Variants in AK8 observed in about 807,000 individuals in gnomAD.
AK8 encodes adenylate kinase 8.
Under a neutral mutation model 54.6 loss-of-function variants are expected in AK8, and 44 were observed. That is an observed-to-expected ratio of 0.81 (90% CI 0.63 to 1.04). AK8 has a LOEUF of 1.04. AK8 is among the 50% of genes least tolerant of loss of function. The pLI is 0.00. For synonymous variants in AK8, 239 were observed against 245.6 expected, an observed-to-expected ratio of 0.97 and a Z score of 0.25; for missense variants, 555 against 613.6, an observed-to-expected ratio of 0.90 and a Z score of 1.01.
At chr9:132,761,815 T>G (rs757121325) in intron 11 of AK8, among the ~76,000 whole-genome samples, 5 of 151,302 alleles carry the variant, frequency 3.3e-5, no homozygotes, top group Non-Finnish European at 7.4e-5. Flanking sequence ...TCCCTCCTTC[T>G]CTCTCTCTCC....
intron 11 of AK8, among the ~76,000 whole-genome samples, chr9:132,773,157 C>T (rs995694505): frequency 6.6e-6 from 1 of 152,222 alleles, no homozygotes; most frequent in Non-Finnish European, 1.5e-5. Flanking sequence ...GGCCAATGGC[C>T]TCCTTGATGT....
rs539727967 is a variant in AK8 at position 132,867,022 on chromosome 9, G to A, written c.170-69C>T. The A allele has an allele frequency of 2.7e-5, 39 of 1,443,744 alleles. No homozygotes were observed. The South Asian group carries it at 2.8e-4, about 10-fold the overall frequency. The allele number at this position is 1,443,744 out of a possible 1,614,324, so 89.4% of individuals were successfully genotyped here. ...GCAGCCTCCCACACCTGCGGTACTC[G>A]GGGTGTACTTATTTCTCCCTCCCTA... On this transcript the variant is annotated intron_variant, in intron 2 of 12. Coordinates refer to ENST00000298545, the MANE Select transcript of AK8 (RefSeq NM_152572.3).
chr9:132,878,434 C>A (rs1359877763), upstream of AK8: 2 of 1,230,814 alleles, frequency 1.6e-6, no homozygotes, highest in African/African-American at 1.6e-5. The surrounding 1 kb of genome is among the most constrained non-coding windows in gnomAD (Gnocchi z 4.7). Context: ...CTCTGCGGCT[C>A]GGGCAAGTTC....
intron 9 of AK8, among the ~76,000 whole-genome samples, chr9:132,821,431 A>C (rs1371451926): frequency 6.6e-6 from 1 of 152,210 alleles, no homozygotes; most frequent in Non-Finnish European, 1.5e-5. Context: ...CAAAAGAAGA[A>C]GGAATTATTG....
chr9:132,868,425 T>C (rs563332443), intron 2 of AK8, among the ~76,000 whole-genome samples: 30 of 152,316 alleles, frequency 2.0e-4, no homozygotes, highest in African/African-American at 7.0e-4. Flanking sequence ...ATTCTCCTTA[T>C]GGCTGTTCCC....
intron 9 of AK8, among the ~76,000 whole-genome samples, chr9:132,818,053 T>C (rs962777851): frequency 3.3e-5 from 5 of 152,106 alleles, no homozygotes; most frequent in African/African-American, 4.8e-5. Context: ...CGGAAGACAA[T>C]AGAATGACAT....
chr9:132,736,724 G>C (rs1837135932), intron 11 of AK8, among the ~76,000 whole-genome samples: 3 of 146,382 alleles, frequency 2.0e-5, no homozygotes, highest in African/African-American at 7.5e-5. Flanking sequence ...GGCGAAGCTT[G>C]AAGTGAGCAG....
At chr9:132,865,585 G>A (rs1364047830) in intron 3 of AK8, among the ~76,000 whole-genome samples, 1 of 152,064 alleles carries the variant, frequency 6.6e-6, no homozygotes, top group Admixed American at 6.5e-5. Flanking sequence ...ACTTTGGGAG[G>A]CCGAGGATCA....
At chr9:132,740,930 G>A (rs1386214822) in intron 11 of AK8, among the ~76,000 whole-genome samples, 1 of 152,196 alleles carries the variant, frequency 6.6e-6, no homozygotes, top group Admixed American at 6.5e-5. Context: ...GGCATCTGGT[G>A]TGTTTGTCCT....
chr9:132,828,120 T>G, intron 6 of AK8, 36 bp from the exon 7 acceptor site: 1 of 1,548,070 alleles, frequency 6.5e-7, no homozygotes, highest in Non-Finnish European at 8.8e-7. Flanking sequence ...ACCAGGCATG[T>G]CGGGCAGCGG....
intron 4 of AK8, among the ~76,000 whole-genome samples, chr9:132,863,024 T>C (rs1050092264): frequency 1.3e-5 from 2 of 152,364 alleles, no homozygotes; most frequent in South Asian, 4.1e-4. Flanking sequence ...TAAAGAGAAA[T>C]AATGTGATCA....
At chr9:132,792,806 G>A (rs1286905431) in intron 10 of AK8, 31 bp from the exon 11 acceptor site, 1 of 1,543,978 alleles carries the variant, frequency 6.5e-7, no homozygotes, top group Non-Finnish European at 8.8e-7. Context: ...TGAGTACCCT[G>A]CTGGCCGGCA....
In AK8 at chr9:132,828,636, G is replaced by A. The variant is rs1841979294; in HGVS notation, c.484+9C>T. 1.2e-6 allele frequency: 2 copies of A among 1,609,586 alleles called. No individual in the cohort carries two copies. Among genetic ancestry groups the A allele is most frequent in the South Asian group, 1.1e-5 (1 of 89,842 alleles). On this transcript the variant is annotated intron_variant, in intron 6 of 12. Coordinates refer to ENST00000298545, the MANE Select transcript of AK8 (RefSeq NM_152572.3). ...TCTGGCAGGTGGGGGACCCTTGGGA[G>A]CTACTCACTGACGTGTCTGGGTGTG...
chr9:132,875,339 C>T, intron 1 of AK8, 140 bp from the exon 2 acceptor site: 15 of 1,480,750 alleles, frequency 1.0e-5, no homozygotes, highest in Non-Finnish European at 1.3e-5. Flanking sequence ...ACCGCCCCAG[C>T]TGGCATCTGC....
chr9:132,744,423 A>G (rs1355867333), intron 11 of AK8, among the ~76,000 whole-genome samples: 3 of 152,184 alleles, frequency 2.0e-5, no homozygotes, highest in African/African-American at 7.2e-5. Context: ...GTGCCAAAAA[A>G]AAAAAAAAAA....
At chr9:132,767,922 G>C (rs2131076789) in intron 11 of AK8, among the ~76,000 whole-genome samples, 1 of 152,316 alleles carries the variant, frequency 6.6e-6, no homozygotes, top group Admixed American at 6.5e-5. Flanking sequence ...CATGGAGGTA[G>C]AGAGTGGAAT....
chr9:132,754,418 A>G (rs1441417885), intron 11 of AK8, among the ~76,000 whole-genome samples: 1 of 152,184 alleles, frequency 6.6e-6, no homozygotes, highest in African/African-American at 2.4e-5. Flanking sequence ...CCCAGCGTGT[A>G]ACACTGGCAT....
At chr9:132,866,786 A>T (rs1454223984) in intron 3 of AK8, 118 bp downstream of exon 3, 13 of 981,820 alleles carry the variant, frequency 1.3e-5, no homozygotes, top group Non-Finnish European at 1.7e-5. Flanking sequence ...AAGAAGGAGG[A>T]GAAGGAAAAG....
At chr9:132,830,949 C>T (rs551718321) in intron 5 of AK8, among the ~76,000 whole-genome samples, 1 of 152,128 alleles carries the variant, frequency 6.6e-6, no homozygotes, top group Non-Finnish European at 1.5e-5. Flanking sequence ...GGGCTGCATT[C>T]CAGTGTGCGA....
Sources: gnomAD v4.1 joint callset for allele counts (sites outside exome capture counted in the v4.1 genomes callset) on GRCh38, gnomAD v4.1.1 for gene constraint, Gnocchi (gnomAD v3.1) non-coding constraint, MANE v1.5 for transcripts, NCBI Gene and HGNC (gene_info 2026-07-23, HGNC 2026-07-21) for gene names.